Variants in ROR1 observed in about 807,000 individuals in gnomAD.
ROR1 encodes the protein ROR family WNT receptor 1, also known as inactive tyrosine-protein kinase transmembrane receptor ROR1.
Under a neutral mutation model 78.8 loss-of-function variants are expected in ROR1, and 19 were observed. That is an observed-to-expected ratio of 0.24 (90% CI 0.17 to 0.35). The LOEUF is 0.35. ROR1 is among the 10% of genes least tolerant of loss of function. The pLI, the probability that ROR1 is intolerant of heterozygous loss-of-function variation, is 1.00. For missense variants in ROR1, 917 were observed against 1,177.8 expected, an observed-to-expected ratio of 0.78 and a Z score of 3.24; for synonymous variants, 386 against 433.6, an observed-to-expected ratio of 0.89 and a Z score of 1.36.
intron 4 of ROR1, among the ~76,000 whole-genome samples, chr1:64,128,768 C>G (rs1648808263): frequency 6.6e-6 from 1 of 151,898 alleles, no homozygotes; most frequent in Non-Finnish European, 1.5e-5. Flanking sequence ...CCTGATGAGA[C>G]TAAATATTAA....
At position 63,913,341 on chromosome 1, in the gene ROR1, A is replaced by G. The variant is rs539103772; in HGVS notation, c.92-95964A>G. Among the ~76,000 whole-genome samples, 290 of 151,966 alleles carry G rather than the reference A, an allele frequency of 1.9e-3. 1 individual carries two copies. The highest frequency in any genetic ancestry group is 6.8e-3 in the African/African-American group (282 of 41,460). On this transcript the variant is annotated intron_variant, in intron 1 of 8. Coordinates refer to ENST00000371079, the MANE Select transcript of ROR1 (RefSeq NM_005012.4). ...TATATTTCTATATTTTTTCTGGGAG[A>G]AAAATAAATCTTAAATATTTTAAAC...
intron 2 of ROR1, among the ~76,000 whole-genome samples, chr1:64,024,413 G>A (rs762741111): frequency 3.3e-5 from 5 of 152,038 alleles, no homozygotes; most frequent in African/African-American, 7.2e-5. Flanking sequence ...CCTGGGAGAC[G>A]GAGGTTGCAG....
intron 7 of ROR1, among the ~76,000 whole-genome samples, chr1:64,145,779 T>C (rs1310158906): frequency 6.6e-6 from 1 of 152,204 alleles, no homozygotes; most frequent in Non-Finnish European, 1.5e-5. Flanking sequence ...AAAGCAGTAC[T>C]TACTAAGCAC....
At chr1:64,007,930 G>A (rs1199417463) in intron 1 of ROR1, among the ~76,000 whole-genome samples, 1 of 148,194 alleles carries the variant, frequency 6.7e-6, no homozygotes, top group Non-Finnish European at 1.5e-5. Flanking sequence ...TAGTATTTTA[G>A]GGGCGAGGTG....
At chr1:64,102,191 T>G (rs1384556773) in intron 4 of ROR1, among the ~76,000 whole-genome samples, 1 of 152,178 alleles carries the variant, frequency 6.6e-6, no homozygotes, top group Non-Finnish European at 1.5e-5. Context: ...ACATTTCTCC[T>G]GTTTGTTTTA....
chr1:64,143,874 G>A (rs12730455), intron 7 of ROR1, among the ~76,000 whole-genome samples: 1 of 152,212 alleles, frequency 6.6e-6, no homozygotes, highest in Non-Finnish European at 1.5e-5. Flanking sequence ...GAAAGCATGA[G>A]AGGGTTTTGA....
At chr1:63,787,010 T>A (rs17125549) in intron 1 of ROR1, among the ~76,000 whole-genome samples, 2,578 of 152,276 alleles carry the variant, frequency 0.017, 101 homozygotes, top group East Asian at 0.074. Context: ...CCAAACGGTA[T>A]GGGAATAATG....
At chr1:64,010,744 T>C (rs1341017451) in intron 2 of ROR1, among the ~76,000 whole-genome samples, 1 of 152,114 alleles carries the variant, frequency 6.6e-6, no homozygotes, top group East Asian at 1.9e-4. Flanking sequence ...ATGAGGGTGG[T>C]TTCCCCCATC....
At chr1:64,077,042 A>G (rs1164816745) in intron 4 of ROR1, among the ~76,000 whole-genome samples, 1 of 152,166 alleles carries the variant, frequency 6.6e-6, no homozygotes, top group Admixed American at 6.6e-5. Context: ...GAAAAAATAT[A>G]CCCTCCTCAT....
intron 1 of ROR1, among the ~76,000 whole-genome samples, chr1:63,968,001 T>C (rs1448376199): frequency 6.6e-6 from 1 of 152,204 alleles, no homozygotes; most frequent in African/African-American, 2.4e-5. Context: ...TTCTTACATT[T>C]TGTTTCCTTT....
intron 1 of ROR1, among the ~76,000 whole-genome samples, chr1:63,886,293 G>A (rs77694297): frequency 0.01 from 1,572 of 152,314 alleles, 19 homozygotes; most frequent in Middle Eastern, 0.024. Flanking sequence ...ACTAGTACTA[G>A]TCGTGGCCCT....
intron 2 of ROR1, among the ~76,000 whole-genome samples, chr1:64,012,938 T>C (rs993464490): frequency 6.6e-6 from 1 of 152,114 alleles, no homozygotes. Context: ...GGAGACAGAT[T>C]TGAGATAATA....
At chr1:64,057,018 A>G (rs1646880729) in intron 4 of ROR1, among the ~76,000 whole-genome samples, 1 of 152,196 alleles carries the variant, frequency 6.6e-6, no homozygotes, top group Admixed American at 6.5e-5. Context: ...TTTTGATGAC[A>G]TTCAATTTAT....
chr1:64,004,048 C>A (rs1158732382), intron 1 of ROR1, among the ~76,000 whole-genome samples: 1 of 152,212 alleles, frequency 6.6e-6, no homozygotes, highest in Non-Finnish European at 1.5e-5. Context: ...TCTGAGAATA[C>A]ATACCACATC....
intron 1 of ROR1, among the ~76,000 whole-genome samples, chr1:63,928,080 G>A (rs191865943): frequency 9.9e-5 from 15 of 151,916 alleles, no homozygotes; most frequent in Admixed American, 5.3e-4. Flanking sequence ...CACCAAAACC[G>A]TTTGTCAAAT....
chr1:64,070,191 T>C (rs975009760), intron 4 of ROR1, among the ~76,000 whole-genome samples: 6 of 152,242 alleles, frequency 3.9e-5, no homozygotes, highest in Admixed American at 6.5e-5. Flanking sequence ...GCATAATGTG[T>C]TCAAGGTTCA....
chr1:64,090,837 T>C (rs936330939), intron 4 of ROR1, among the ~76,000 whole-genome samples: 4 of 152,164 alleles, frequency 2.6e-5, no homozygotes, highest in African/African-American at 9.7e-5. Context: ...GTGGATTTCC[T>C]TTTCCTGATT....
At chr1:63,856,175 G>A (rs372729859) in intron 1 of ROR1, among the ~76,000 whole-genome samples, 1 of 151,436 alleles carries the variant, frequency 6.6e-6, no homozygotes, top group Admixed American at 6.6e-5. Context: ...AATTTTCCTT[G>A]TTGGGTACTG....
intron 1 of ROR1, among the ~76,000 whole-genome samples, chr1:63,790,136 T>C (rs570701273): frequency 1.3e-5 from 2 of 152,348 alleles, no homozygotes; most frequent in African/African-American, 4.8e-5. Flanking sequence ...TTATAATTTG[T>C]CATTGAATAT....
Sources: gnomAD v4.1 joint callset for allele counts (sites outside exome capture counted in the v4.1 genomes callset) on GRCh38, gnomAD v4.1.1 for gene constraint, MANE v1.5 for transcripts, NCBI Gene and HGNC (gene_info 2026-07-23, HGNC 2026-07-21) for gene names.